GRAMD1B: variants seen among roughly 807,000 people sequenced by gnomAD.
GRAMD1B encodes GRAM domain containing 1B, also known as protein Aster-B.
A neutral mutation model predicts 99.7 loss-of-function variants in GRAMD1B; 37 were observed. The observed-to-expected ratio is 0.37, with a 90% CI of 0.29 to 0.49. GRAMD1B has a LOEUF of 0.49. Among genes scored for constraint, GRAMD1B ranks in the 20% least tolerant of loss-of-function variants. The probability of loss-of-function intolerance (pLI) is 0.98; values close to 1 mark genes in which losing one functional copy is unlikely to be tolerated. For missense variants in GRAMD1B, 888 were observed against 1,009.2 expected, an observed-to-expected ratio of 0.88 and a Z score of 1.63; for synonymous variants, 427 against 387.6, an observed-to-expected ratio of 1.10 and a Z score of -1.19.
At chr11:123,556,587 C>T (rs901897563) in intron 2 of GRAMD1B, among the ~76,000 whole-genome samples, 1 of 152,194 alleles carries the variant, frequency 6.6e-6, no homozygotes, top group Non-Finnish European at 1.5e-5. Context: ...CTCTCAGAAA[C>T]CTCTTTTCCT....
chr11:123,617,444 CT>C (rs939508581), intron 17 of GRAMD1B, among the ~76,000 whole-genome samples: 2 of 152,200 alleles, frequency 1.3e-5, no homozygotes, highest in African/African-American at 2.4e-5. Flanking sequence ...CCACCTTGGC[CT>C]CCCAAAGTGC....
intron 1 of GRAMD1B, among the ~76,000 whole-genome samples, chr11:123,477,306 TCCCTCCCCTCTCCTC>T (rs1357567889): frequency 9.6e-6 from 1 of 104,128 alleles, no homozygotes; most frequent in African/African-American, 3.7e-5. Flanking sequence ...CATTCTCCCT[TCCCTCCCCTCTCCTC>T]CCCTCCCCTC....
In GRAMD1B at chr11:123,430,556, C is replaced by A; in HGVS notation, c.-237C>A. On this transcript the variant is annotated 5_prime_UTR_variant, in exon 1 of 20. Transcript: ENST00000635736. ...GGCTCCCGCCCCTCCCGGGTGGCCT[C>A]GCCGGCGGCTGACGGCCCGGAGGAC... The A allele has an allele frequency of 4.4e-6, 2 of 450,718 alleles. No homozygotes were observed. The highest frequency in any genetic ancestry group is 4.1e-5 in the African/African-American group (2 of 48,648). The allele number at this position is 450,718 out of a possible 1,614,324, so 27.9% of individuals were successfully genotyped here.
At chr11:123,574,191 C>A (rs543876892) in intron 2 of GRAMD1B, among the ~76,000 whole-genome samples, 22 of 151,502 alleles carry the variant, frequency 1.5e-4, no homozygotes, top group Non-Finnish European at 2.4e-4. Flanking sequence ...GGAGAAAGAG[C>A]ATGTATATTA....
intron 6 of GRAMD1B, 126 bp from the exon 7 acceptor site, chr11:123,595,816 C>T: frequency 1.7e-6 from 1 of 591,314 alleles, no homozygotes; most frequent in South Asian, 2.1e-5. Context: ...AATGCGGCCT[C>T]TTCCAGGGTT....
chr11:123,598,354 T>C, intron 7 of GRAMD1B: 1 of 1,119,586 alleles, frequency 8.9e-7, no homozygotes, highest in East Asian at 2.3e-5. Context: ...TCACTCTAAC[T>C]CTCACTGATT....
At chr11:123,412,662 T>C (rs1212340061) in intron 1 of GRAMD1B, among the ~76,000 whole-genome samples, 1 of 152,228 alleles carries the variant, frequency 6.6e-6, no homozygotes, top group African/African-American at 2.4e-5. Context: ...GTTGTGCTGA[T>C]ATAGAAAACC....
chr11:123,366,706 G>A (rs1488100781), intron 1 of GRAMD1B, among the ~76,000 whole-genome samples: 1 of 152,224 alleles, frequency 6.6e-6, no homozygotes, highest in Non-Finnish European at 1.5e-5. Context: ...ATGGAAAGAA[G>A]TGCGTTGATG....
chr11:123,473,686 G>A (rs1951125556), intron 1 of GRAMD1B, among the ~76,000 whole-genome samples: 1 of 152,182 alleles, frequency 6.6e-6, no homozygotes, highest in African/African-American at 2.4e-5. Context: ...CTTGCTGCAG[G>A]TTCCCATGGG....
chr11:123,485,252 T>C (rs1951827124), intron 2 of GRAMD1B, among the ~76,000 whole-genome samples: 1 of 152,240 alleles, frequency 6.6e-6, no homozygotes, highest in African/African-American at 2.4e-5. Context: ...TGATTTCTTC[T>C]ATTTTAAAGA....
intron 1 of GRAMD1B, among the ~76,000 whole-genome samples, chr11:123,480,230 T>C (rs1237345508): frequency 6.6e-6 from 1 of 152,182 alleles, no homozygotes; most frequent in Non-Finnish European, 1.5e-5. Flanking sequence ...TTATTCCTTC[T>C]TCTATTTCTC....
intron 9 of GRAMD1B, 23 bp downstream of exon 9, chr11:123,603,564 G>A: frequency 6.9e-7 from 1 of 1,448,528 alleles, no homozygotes; most frequent in South Asian, 1.1e-5. Flanking sequence ...AAGGGCGGCT[G>A]CCCAGAGGCA....
chr11:123,421,227 C>T (rs1591485306), intron 1 of GRAMD1B, among the ~76,000 whole-genome samples: 1 of 152,232 alleles, frequency 6.6e-6, no homozygotes, highest in Admixed American at 6.5e-5. Flanking sequence ...CAAATCTACA[C>T]GTCCACATGT....
intron 1 of GRAMD1B, among the ~76,000 whole-genome samples, chr11:123,417,451 G>A (rs1948269300): frequency 1.3e-5 from 2 of 152,142 alleles, no homozygotes; most frequent in African/African-American, 4.8e-5. Flanking sequence ...GGTGCATTCA[G>A]GACTTATCAA....
chr11:123,607,434 T>C (rs1952888238), intron 11 of GRAMD1B, among the ~76,000 whole-genome samples: 1 of 152,104 alleles, frequency 6.6e-6, no homozygotes. Flanking sequence ...ATTGAGTGAG[T>C]GGTCTGTTAT....
intron 1 of GRAMD1B, among the ~76,000 whole-genome samples, chr11:123,432,679 A>T (rs1948955218): frequency 6.6e-6 from 1 of 152,214 alleles, no homozygotes; most frequent in Admixed American, 6.5e-5. Flanking sequence ...TTGAAGGAAG[A>T]GGCTGACACC....
intron 1 of GRAMD1B, among the ~76,000 whole-genome samples, chr11:123,367,286 C>T (rs963331029): frequency 2.6e-5 from 4 of 152,126 alleles, no homozygotes; most frequent in Admixed American, 1.3e-4. Context: ...ATATAGCTCA[C>T]GGTCTAGGAA....
At chr11:123,463,824 G>A (rs1950544636) in intron 1 of GRAMD1B, among the ~76,000 whole-genome samples, 1 of 152,220 alleles carries the variant, frequency 6.6e-6, no homozygotes. Context: ...GAATGTGCAT[G>A]GGAGATTTGG....
rs190359929 is a variant in GRAMD1B, at chr11:123,548,727, C to T, written c.453-28640C>T. On this transcript the variant is annotated intron_variant, in intron 2 of 19. Transcript: ENST00000635736. ...AGCTCAGGTGATCCTCCCGACTCTG[C>T]CTTTGGAGTAGCTGGAACCTCAAAC... is the stretch of plus-strand genomic sequence containing the variant. Among the ~76,000 whole-genome samples the T allele has an allele frequency of 1.6e-4, 24 of 152,232 alleles. 1 individual carries two copies. The highest frequency in any genetic ancestry group is 5.5e-4 in the African/African-American group (23 of 41,550).
Sources: gnomAD v4.1 joint callset for allele counts (sites outside exome capture counted in the v4.1 genomes callset) on GRCh38, gnomAD v4.1.1 for gene constraint, MANE v1.5 for transcripts, NCBI Gene and HGNC (gene_info 2026-07-23, HGNC 2026-07-21) for gene names.